RCAN1: variants seen among roughly 807,000 people sequenced by gnomAD.
The protein encoded by RCAN1 is regulator of calcineurin 1.
Under a neutral mutation model 22.9 loss-of-function variants are expected in RCAN1, and 11 were observed. The observed-to-expected ratio is 0.48, with a 90% CI of 0.30 to 0.79. The LOEUF (loss-of-function observed/expected upper bound fraction) is 0.79, where lower values mean the gene tolerates loss of function less well. Among genes scored for constraint, RCAN1 ranks in the 30% least tolerant of loss-of-function variants. The pLI, the probability that RCAN1 is intolerant of heterozygous loss-of-function variation, is 0.06. For missense variants in RCAN1, 291 were observed against 337.8 expected (o/e 0.86, Z 1.09); for synonymous variants, 136 against 142.3 (o/e 0.96, Z 0.32).
intron 1 of RCAN1, among the ~76,000 whole-genome samples, chr21:34,556,075 A>G (rs1178628803): frequency 9.4e-6 from 1 of 106,818 alleles, no homozygotes; most frequent in African/African-American, 3.6e-5. Context: ...AAAATAAATA[A>G]ATAAATAAAT....
rs534593438 is a variant in RCAN1, at chr21:34,548,848, T to C, written c.253-25138A>G. 2.4e-3 allele frequency among the ~76,000 whole-genome samples: 371 copies of C among 152,344 alleles called. 2 individuals carry two copies. The highest frequency in any genetic ancestry group is 8.7e-3 in the African/African-American group (360 of 41,568). On this transcript the variant is annotated intron_variant, in intron 1 of 3. Transcript: ENST00000313806. ...AAAACTGTATTTCTTCTAAGTTCTA[T>C]TGTAAACAAAGCAAAGGACTATGCC...
chr21:34,555,091 A>C (rs576143068), intron 1 of RCAN1, among the ~76,000 whole-genome samples: 1 of 152,264 alleles, frequency 6.6e-6, no homozygotes, highest in South Asian at 2.1e-4. Flanking sequence ...CAGTGCTAAC[A>C]GTGCACTTGC....
intron 1 of RCAN1, among the ~76,000 whole-genome samples, chr21:34,544,314 T>C (rs990244684): frequency 7.9e-5 from 12 of 152,186 alleles, no homozygotes; most frequent in Non-Finnish European, 1.3e-4. Context: ...GGGAGAGACA[T>C]TCTCTGTTGC....
chr21:34,525,191 G>A (rs745961714), intron 1 of RCAN1: 18 of 1,550,534 alleles, frequency 1.2e-5, no homozygotes, highest in Middle Eastern at 3.3e-4. Flanking sequence ...CAAGCGCGGG[G>A]AGGCACTGGT....
intron 1 of RCAN1, among the ~76,000 whole-genome samples, chr21:34,565,901 A>T (rs1168059994): frequency 6.6e-6 from 1 of 152,184 alleles, no homozygotes; most frequent in Non-Finnish European, 1.5e-5. Context: ...CGGAGCTCAC[A>T]CCTGGGTTTT....
At chr21:34,544,575 G>T (rs1012098523) in intron 1 of RCAN1, among the ~76,000 whole-genome samples, 56 of 152,194 alleles carry the variant, frequency 3.7e-4, no homozygotes, top group African/African-American at 1.3e-3. Context: ...TAGATTTGTA[G>T]TAATTTGTCA....
intron 1 of RCAN1, among the ~76,000 whole-genome samples, chr21:34,562,489 C>T (rs1008496825): frequency 6.6e-6 from 1 of 152,142 alleles, no homozygotes; most frequent in African/African-American, 2.4e-5. Flanking sequence ...AGAGCAGAGG[C>T]GACATGGGTG....
rs1416795188 is a variant in RCAN1 at position 34,517,894 on chromosome 21, T to C, written c.*190A>G. On this transcript the variant is annotated 3_prime_UTR_variant, in exon 4 of 4. Transcript: ENST00000313806. The stretch of plus-strand genomic sequence containing the variant: ...TGGCCCAAGTCATTCCCGGGTGCCA[T>C]GAACAGTAACTGGTGTGCAGCATTA... The C allele has an allele frequency of 3.1e-6, 2 of 646,482 alleles. No individual in the cohort carries two copies. The highest frequency in any genetic ancestry group is 5.3e-6 in the Non-Finnish European group (2 of 377,884). 40.0% of individuals were successfully genotyped at this position (646,482 alleles called of 1,614,324 possible).
intron 1 of RCAN1, among the ~76,000 whole-genome samples, chr21:34,575,625 C>G (rs1325338299): frequency 6.6e-6 from 1 of 152,164 alleles, no homozygotes; most frequent in Admixed American, 6.6e-5. Flanking sequence ...CGGGCTCAAA[C>G]AATCTGCCCA....
rs73900534 is a variant in RCAN1, at chr21:34,614,336, T to C, written c.252+424A>G. On this transcript the variant is annotated intron_variant, in intron 1 of 3. Transcript: ENST00000313806. This position sits in a 1 kb window ranked among gnomAD's most constrained non-coding sequence, Gnocchi z 6.0. ...TGGGAATGCAGGGACGTCGTCCTAT[T>C]TATGAACACTGAGTCACGTCGCCGC... 2.6e-4 allele frequency: 256 copies of C among 990,188 alleles called. 1 individual carries two copies. In the African/African-American group the frequency reaches 4.3e-3, roughly 17 times the overall value. 61.3% of individuals were successfully genotyped at this position (990,188 alleles called of 1,614,324 possible).
chr21:34,585,572 T>C (rs1417616408), intron 1 of RCAN1, among the ~76,000 whole-genome samples: 2 of 151,632 alleles, frequency 1.3e-5, no homozygotes, highest in African/African-American at 4.8e-5. Context: ...TGAAATCCCG[T>C]CTCCACTAAA....
chr21:34,591,395 A>G (rs1987968352), intron 1 of RCAN1, among the ~76,000 whole-genome samples: 1 of 152,174 alleles, frequency 6.6e-6, no homozygotes, highest in Non-Finnish European at 1.5e-5. Flanking sequence ...TGAGGAGCCA[A>G]GACCTAACCA....
At chr21:34,578,363 A>G (rs1484100152) in intron 1 of RCAN1, among the ~76,000 whole-genome samples, 1 of 152,196 alleles carries the variant, frequency 6.6e-6, no homozygotes, top group Non-Finnish European at 1.5e-5. Flanking sequence ...TGCAGAACTA[A>G]GAACATTAGA....
chr21:34,541,381 G>A (rs578195003), intron 1 of RCAN1, among the ~76,000 whole-genome samples: 40 of 152,300 alleles, frequency 2.6e-4, no homozygotes, highest in Non-Finnish European at 5.1e-4. Context: ...TATAAGGAAA[G>A]CTTTCCCCAA....
chr21:34,610,940 A>C (rs1354280805), intron 1 of RCAN1, among the ~76,000 whole-genome samples: 1 of 152,224 alleles, frequency 6.6e-6, no homozygotes, highest in East Asian at 1.9e-4. Context: ...AAGCGAAAAG[A>C]GTAAATTTTT....
chr21:34,614,912 C>T lies in RCAN1; in HGVS notation c.100G>A (p.Ala34Thr). Residue 34 changes from alanine to threonine, a missense_variant, in exon 1 of 4, where the codon GCG becomes ACG. Coordinates refer to ENST00000313806, the MANE Select transcript of RCAN1 (RefSeq NM_004414.7). The surrounding 1 kb of genome is among the most constrained non-coding windows in gnomAD (Gnocchi z 6.0). Reference protein sequence around the residue: ...ARPGVTLRPFAPLSGAAEADE... With the variant: ...ARPGVTLRPFTPLSGAAEADE... ...GCCTCGGCCGCCCCCGAGAGGGGCG[C>T]GAAGGGCCGCAGCGTCACCCCGGGC... 1.4e-6 allele frequency: 2 copies of T among 1,418,226 alleles called. No homozygotes were observed. The highest frequency in any genetic ancestry group is 1.3e-5 in the South Asian group (1 of 77,784). 87.9% of individuals were successfully genotyped at this position (1,418,226 alleles called of 1,614,324 possible).
At chr21:34,555,422 C>A (rs1986519915) in intron 1 of RCAN1, among the ~76,000 whole-genome samples, 1 of 151,836 alleles carries the variant, frequency 6.6e-6, no homozygotes, top group Non-Finnish European at 1.5e-5. Flanking sequence ...TTAAAATGAT[C>A]CCATGATTGG....
chr21:34,588,304 G>A (rs1987865838), intron 1 of RCAN1, among the ~76,000 whole-genome samples: 1 of 152,198 alleles, frequency 6.6e-6, no homozygotes, highest in African/African-American at 2.4e-5. Flanking sequence ...GGCCATGGTG[G>A]TGACTGGTGA....
At chr21:34,568,193 G>T (rs973037309) in intron 1 of RCAN1, among the ~76,000 whole-genome samples, 2 of 152,126 alleles carry the variant, frequency 1.3e-5, no homozygotes, top group East Asian at 3.8e-4. Flanking sequence ...AGCTGCCTGG[G>T]GCCACTTCCA....
Sources: allele counts gnomAD v4.1 joint callset (sites outside exome capture counted in the v4.1 genomes callset), GRCh38; gene constraint gnomAD v4.1.1; non-coding constraint Gnocchi (gnomAD v3.1); transcripts MANE v1.5; gene names NCBI Gene and HGNC (gene_info 2026-07-23, HGNC 2026-07-21).